PDE4D: variants seen among roughly 807,000 people sequenced by gnomAD.
PDE4D encodes phosphodiesterase 4D, also known as 3',5'-cyclic-AMP phosphodiesterase 4D.
In PDE4D, 24 loss-of-function variants were observed where a neutral mutation model predicts 87.4. The observed-to-expected ratio is 0.27, with a 90% confidence interval of 0.20 to 0.39. The LOEUF is 0.39. Among genes scored for constraint, PDE4D ranks in the 10% least tolerant of loss-of-function variants. The pLI is 1.00. For missense variants in PDE4D, 714 were observed against 1,041.0 expected (o/e 0.69, Z 4.32); for synonymous variants, 384 against 383.2 (o/e 1.00, Z -0.02).
chr5:60,105,427 G>C (rs1161995318), intron 2 of PDE4D, among the ~76,000 whole-genome samples: 1 of 152,170 alleles, frequency 6.6e-6, no homozygotes, highest in Admixed American at 6.5e-5. Context: ...AACCAAGTTG[G>C]AAAACACTCT....
chr5:59,893,344 G>A lies in PDE4D; in HGVS notation c.279C>T (p.Gly93=). Residue 93 remains glycine (G), a synonymous_variant, in exon 1 of 15, where the codon GGC becomes GGT. Coordinates refer to ENST00000340635, the MANE Select transcript of PDE4D (RefSeq NM_001104631.2). ...CGGTGGCCCCGCTCGAGGCGTAGCG[G>A]CCGCGGGCAGCCCCGGGCGGCGGCG... ...PPPPPPGAAR[G]RYASSGATGR... is the part of the protein sequence containing the mutation. 2 of 1,450,592 alleles carry A rather than the reference G, an allele frequency of 1.4e-6. No individual in the cohort carries two copies. The highest frequency in any genetic ancestry group is 1.8e-6 in the Non-Finnish European group (2 of 1,094,850). 89.9% of individuals were successfully genotyped at this position (1,450,592 alleles called of 1,614,324 possible).
chr5:60,147,989 C>A, intron 2 of PDE4D: 1 of 274,244 alleles, frequency 3.6e-6, no homozygotes, highest in Non-Finnish European at 7.4e-6. Context: ...AGAGATCAAC[C>A]CTGATACAAT....
chr5:59,414,201 T>C (rs951957028), intron 1 of PDE4D, among the ~76,000 whole-genome samples: 2 of 152,264 alleles, frequency 1.3e-5, no homozygotes, highest in African/African-American at 4.8e-5. Context: ...AAGATAGTTC[T>C]GCACCTTATG....
intron 1 of PDE4D, among the ~76,000 whole-genome samples, chr5:60,505,399 T>G (rs1414523498): frequency 1.3e-5 from 2 of 152,198 alleles, no homozygotes; most frequent in African/African-American, 2.4e-5. Context: ...GTCTTGCTGG[T>G]TATCCTTTTC....
chr5:59,276,124 A>C, intron 1 of PDE4D: 3 of 182,438 alleles, frequency 1.6e-5, no homozygotes, highest in Non-Finnish European at 1.9e-5. Context: ...TGAGAAAGGA[A>C]AAAAAAAAAA....
At chr5:59,944,192 G>T (rs977333982) in intron 3 of PDE4D, among the ~76,000 whole-genome samples, 1 of 152,154 alleles carries the variant, frequency 6.6e-6, no homozygotes, top group African/African-American at 2.4e-5. Flanking sequence ...CTGCTTTGTT[G>T]CTTTAACAGA....
Position 59,172,043 on chromosome 5 carries a change from TA to T in PDE4D, c.808+8551del, listed in dbSNP as rs373684433. Among the ~76,000 whole-genome samples, 39 of 8,336 alleles carry T rather than the reference TA, an allele frequency of 4.7e-3. 1 individual carries two copies. Among genetic ancestry groups the T allele is most frequent in the African/African-American group, 0.02 (33 of 1,618 alleles). The allele number at this position is 8,336 out of a possible 152,430, so 5.5% of individuals were successfully genotyped here. A position where few individuals can be genotyped will look rare whatever the true frequency, so the allele number is the denominator to read the frequency against. ...ATATATAATAAATATATATTATATA[TA>T]TAATATATATATATTATATATATAA... is the stretch of plus-strand genomic sequence containing the variant. On this transcript the variant is annotated intron_variant, in intron 5 of 14. Coordinates refer to ENST00000340635, the MANE Select transcript of PDE4D (RefSeq NM_001104631.2).
chr5:59,801,500 C>T (rs1243435365), intron 1 of PDE4D, among the ~76,000 whole-genome samples: 1 of 152,036 alleles, frequency 6.6e-6, no homozygotes, highest in Non-Finnish European at 1.5e-5. Context: ...ATTCTTTTTA[C>T]AAGATTAGTG....
intron 1 of PDE4D, among the ~76,000 whole-genome samples, chr5:60,320,070 G>C (rs1756078348): frequency 6.6e-6 from 1 of 152,238 alleles, no homozygotes; most frequent in Non-Finnish European, 1.5e-5. Context: ...GCTATGCCCT[G>C]CCCCCAGAGG....
At chr5:59,045,343 C>T (rs906466930) in intron 5 of PDE4D, among the ~76,000 whole-genome samples, 2 of 151,992 alleles carry the variant, frequency 1.3e-5, no homozygotes, top group African/African-American at 4.8e-5. Context: ...CACCTGAGGT[C>T]GGGAGTTCAA....
intron 1 of PDE4D, among the ~76,000 whole-genome samples, chr5:59,312,922 G>A (rs1373098145): frequency 6.6e-6 from 1 of 152,074 alleles, no homozygotes; most frequent in African/African-American, 2.4e-5. Context: ...ACTGGAGAAG[G>A]AATTTTCCAA....
intron 1 of PDE4D, among the ~76,000 whole-genome samples, chr5:59,523,207 C>A (rs762004071): frequency 3.3e-5 from 5 of 152,138 alleles, no homozygotes; most frequent in Non-Finnish European, 7.4e-5. Flanking sequence ...TGAAGGTACA[C>A]CTGCAAAAGC....
intron 2 of PDE4D, among the ~76,000 whole-genome samples, chr5:60,103,385 A>G (rs1174631569): frequency 1.3e-5 from 2 of 152,198 alleles, no homozygotes; most frequent in East Asian, 1.9e-4. Flanking sequence ...TAAAAAGGGG[A>G]AAAGGACACA....
chr5:59,827,290 C>G (rs1044483679), intron 1 of PDE4D, among the ~76,000 whole-genome samples: 3 of 151,916 alleles, frequency 2.0e-5, no homozygotes, highest in African/African-American at 7.2e-5. Context: ...GTCTATGAGC[C>G]AGAATCTCTT....
chr5:60,240,239 G>C (rs886353087), intron 1 of PDE4D, among the ~76,000 whole-genome samples: 1 of 152,014 alleles, frequency 6.6e-6, no homozygotes, highest in African/African-American at 2.4e-5. Flanking sequence ...GCAAGATGGT[G>C]GAATAGAAGG....
chr5:59,010,515 T>C (rs72764053), intron 6 of PDE4D, among the ~76,000 whole-genome samples: 57 of 152,108 alleles, frequency 3.7e-4, no homozygotes, highest in Admixed American at 9.2e-4. Context: ...CTGGACCTGA[T>C]TTTTAAATAA....
intron 1 of PDE4D, among the ~76,000 whole-genome samples, chr5:59,552,020 A>T (rs1004084044): frequency 2.0e-5 from 3 of 152,134 alleles, no homozygotes; most frequent in African/African-American, 7.2e-5. Flanking sequence ...GTTTGAGACC[A>T]GCCTAGGGAA....
chr5:59,628,753 G>T (rs1228970262), intron 1 of PDE4D, among the ~76,000 whole-genome samples: 2 of 152,190 alleles, frequency 1.3e-5, no homozygotes, highest in Non-Finnish European at 2.9e-5. Flanking sequence ...TAGGGCAAGG[G>T]ACTGTGTGTG....
At chr5:58,992,030 T>C (rs377276367) in intron 7 of PDE4D, 26 bp from the exon 8 acceptor site, 3 of 1,362,596 alleles carry the variant, frequency 2.2e-6, no homozygotes, top group African/African-American at 1.5e-5. Flanking sequence ...AAATGTTCTA[T>C]ATTTATTATT....
Sources: gnomAD v4.1 joint callset for allele counts (sites outside exome capture counted in the v4.1 genomes callset) on GRCh38, gnomAD v4.1.1 for gene constraint, MANE v1.5 for transcripts, NCBI Gene and HGNC (gene_info 2026-07-23, HGNC 2026-07-21) for gene names.